Variants in HOOK3 observed in about 807,000 individuals in gnomAD.
The protein encoded by HOOK3 is hook microtubule tethering protein 3.
A neutral mutation model predicts 116.3 loss-of-function variants in HOOK3; 24 were observed. That is an observed-to-expected ratio of 0.21 (90% CI 0.15 to 0.29). HOOK3 has a LOEUF of 0.29. Ranked by LOEUF, HOOK3 falls within the 10% of genes least tolerant of loss-of-function variation. HOOK3 has a pLI of 1.00. For synonymous variants in HOOK3, 275 were observed against 283.0 expected (o/e 0.97, Z 0.28); for missense variants, 632 against 830.2 (o/e 0.76, Z 2.93).
chr8:43,006,040 A>C (rs1184085256), intron 17 of HOOK3, among the ~76,000 whole-genome samples: 1 of 149,684 alleles, frequency 6.7e-6, no homozygotes, highest in Non-Finnish European at 1.5e-5. Flanking sequence ...ATTTATTTTG[A>C]GATGGAGTCT....
chr8:42,953,128 A>G (rs1326810719), intron 6 of HOOK3, among the ~76,000 whole-genome samples: 1 of 152,042 alleles, frequency 6.6e-6, no homozygotes, highest in Non-Finnish European at 1.5e-5. Flanking sequence ...TATTCTAGAT[A>G]GTCATGGACC....
In HOOK3 at chr8:42,968,220, A is replaced by G; in HGVS notation, c.1122+6A>G. On this transcript the variant is annotated splice_donor_region_variant and intron_variant, in intron 11 of 21. Transcript: ENST00000307602. ...TTGAAACCTACAAGAGACAGGTAAA[A>G]GAAACACAGCATCTTGATGATGGTT... 7.5e-6 allele frequency: 12 copies of G among 1,603,774 alleles called. No homozygotes were observed. The highest frequency in any genetic ancestry group is 9.4e-6 in the Non-Finnish European group (11 of 1,173,184).
Position 43,018,984 on chromosome 8 carries a change from C to T in HOOK3, c.*486C>T. ...TCAAATAACTTGCATATTTACTATA[C>T]AAAATGGTTGACAAGTGTTCTTTTT... On this transcript the variant is annotated 3_prime_UTR_variant, in exon 22 of 22. Transcript: ENST00000307602. 1 of 210,488 alleles carries T rather than the reference C, an allele frequency of 4.8e-6. No individual in the cohort carries two copies. Among genetic ancestry groups the T allele is most frequent in the Admixed American group, 5.9e-5 (1 of 16,998 alleles). 13.0% of individuals were successfully genotyped at this position (210,488 alleles called of 1,614,324 possible).
intron 1 of HOOK3, among the ~76,000 whole-genome samples, chr8:42,904,482 T>G (rs1468615496): frequency 6.6e-6 from 1 of 152,010 alleles, no homozygotes; most frequent in Non-Finnish European, 1.5e-5. Context: ...GTTAATTTTT[T>G]GTATTTTTAG....
At position 42,930,151 on chromosome 8, in the gene HOOK3, A is replaced by G; in HGVS notation, c.246A>G (p.Gly82=). 1 of 1,552,886 alleles carries G rather than the reference A, an allele frequency of 6.4e-7. No homozygotes were observed. Among genetic ancestry groups the G allele is most frequent in the Non-Finnish European group, 8.7e-7 (1 of 1,147,248 alleles). The change falls in exon 4 of 22, where the codon GGA becomes GGG. Residue 82 remains glycine (G), a synonymous_variant. Transcript: ENST00000307602. ...GCAATTTAAAGAAAATTTTAAAAGG[A>G]ATCTTGGATTATAATCATGAGGTAA... ...KISNLKKILK[G]ILDYNHEILG...
chr8:42,941,517 CAA>C (rs960451235), intron 4 of HOOK3, among the ~76,000 whole-genome samples: 1 of 44,060 alleles, frequency 2.3e-5, no homozygotes, highest in Non-Finnish European at 4.6e-5. Context: ...GACTCCGTCT[CAA>C]AAAAAAAAAA....
At chr8:42,946,052 A>G (rs1045845885) in intron 5 of HOOK3, among the ~76,000 whole-genome samples, 9 of 152,180 alleles carry the variant, frequency 5.9e-5, no homozygotes, top group Admixed American at 2.6e-4. Context: ...TTATCATGCA[A>G]TAAAGCAGAT....
Position 43,028,954 on chromosome 8 carries a change from G to A in HOOK3, c.*10456G>A, listed in dbSNP as rs1312714472. 1 of 201,150 alleles carries A rather than the reference G, an allele frequency of 5.0e-6. No homozygotes were observed. The highest frequency in any genetic ancestry group is 7.6e-5 in the East Asian group (1 of 13,140). The allele number at this position is 201,150 out of a possible 1,614,324, so 12.5% of individuals were successfully genotyped here. Reference sequence around the variant, plus strand: ...TTGTAGTTCAAGTACAGATGAGTAAGTGGTGTGACTTCAGTTTATTATCTT... The same window carrying A: ...TTGTAGTTCAAGTACAGATGAGTAAATGGTGTGACTTCAGTTTATTATCTT... On this transcript the variant is annotated 3_prime_UTR_variant, in exon 22 of 22. Coordinates refer to ENST00000307602, the MANE Select transcript of HOOK3 (RefSeq NM_032410.4).
At chr8:42,923,611 A>G (rs1807705537) in intron 2 of HOOK3, among the ~76,000 whole-genome samples, 1 of 152,222 alleles carries the variant, frequency 6.6e-6, no homozygotes, top group African/African-American at 2.4e-5. Context: ...TCCAGGATAG[A>G]CAAATTCATA....
In HOOK3 at chr8:43,026,266, A is replaced by G. The variant is rs1221674933; in HGVS notation, c.*7768A>G. ...TGTATTTTATTTAGTGTCTTAATAT[A>G]TAGTCTTTATATAGTATCTTAATAT... is the stretch of plus-strand genomic sequence containing the variant. On this transcript the variant is annotated 3_prime_UTR_variant, in exon 22 of 22. Coordinates refer to ENST00000307602, the MANE Select transcript of HOOK3 (RefSeq NM_032410.4). 1.0e-5 allele frequency: 2 copies of G among 196,186 alleles called. No homozygotes were observed. The highest frequency in any genetic ancestry group is 4.6e-5 in the African/African-American group (2 of 43,252). The allele number at this position is 196,186 out of a possible 1,614,324, so 12.2% of individuals were successfully genotyped here. A position where few individuals can be genotyped will look rare whatever the true frequency, so the allele number is the denominator to read the frequency against.
At chr8:42,955,522 A>G (rs1166899642) in intron 6 of HOOK3, among the ~76,000 whole-genome samples, 1 of 152,200 alleles carries the variant, frequency 6.6e-6, no homozygotes. Flanking sequence ...AAATCTAGAG[A>G]AAATAATTGA....
At chr8:42,973,958 C>A in intron 12 of HOOK3, 149 bp from the exon 13 acceptor site, 1 of 653,886 alleles carries the variant, frequency 1.5e-6, no homozygotes, top group Non-Finnish European at 2.8e-6. Flanking sequence ...TAATCTTTTC[C>A]TCCTTCTATG....
At chr8:42,967,629 G>A (rs1467011553) in intron 10 of HOOK3, among the ~76,000 whole-genome samples, 1 of 151,926 alleles carries the variant, frequency 6.6e-6, no homozygotes, top group Non-Finnish European at 1.5e-5. Context: ...CTTCCCACTA[G>A]AACCAAACTT....
chr8:42,983,789 T>C (rs993509537), intron 14 of HOOK3, among the ~76,000 whole-genome samples: 3 of 152,204 alleles, frequency 2.0e-5, no homozygotes, highest in Admixed American at 6.5e-5. Context: ...TTCATTTATT[T>C]TTATGCATAA....
At chr8:42,912,759 A>G (rs1347789519) in intron 2 of HOOK3, among the ~76,000 whole-genome samples, 2 of 152,200 alleles carry the variant, frequency 1.3e-5, no homozygotes, top group Admixed American at 1.3e-4. Context: ...TGGCACATCA[A>G]TACTGCTCAA....
intron 6 of HOOK3, among the ~76,000 whole-genome samples, chr8:42,953,936 T>C (rs1366834278): frequency 6.6e-6 from 1 of 152,182 alleles, no homozygotes; most frequent in Non-Finnish European, 1.5e-5. Flanking sequence ...CTACAACCAT[T>C]GTGCCGTATC....
intron 8 of HOOK3, 152 bp downstream of exon 8, chr8:42,959,466 C>A (rs567463478): frequency 1.1e-5 from 6 of 540,802 alleles, no homozygotes; most frequent in Non-Finnish European, 2.0e-5. Context: ...CACCTGTAAT[C>A]CCAGCACTTC....
rs1004014497 is a variant in HOOK3, at chr8:42,923,902, A to G, written c.144-1655A>G. Among the ~76,000 whole-genome samples the G allele has an allele frequency of 2.0e-5, 3 of 152,360 alleles. No individual in the cohort carries two copies. In the East Asian group the frequency reaches 5.8e-4, roughly 29 times the overall value. ...GATACAGGCTTCAAAAATAATCATA[A>G]CAGATTTGTATAGAGGTAACTTAGT... On this transcript the variant is annotated intron_variant, in intron 2 of 21. Coordinates refer to ENST00000307602, the MANE Select transcript of HOOK3 (RefSeq NM_032410.4).
At chr8:42,898,938 T>G (rs708189) in intron 1 of HOOK3, among the ~76,000 whole-genome samples, 150,720 of 152,330 alleles carry the variant, frequency 0.99, 74,576 homozygotes, top group East Asian at 1. Context: ...TTATAATAAA[T>G]TGTTGAATAT....
Sources: gnomAD v4.1 joint callset for allele counts (sites outside exome capture counted in the v4.1 genomes callset) on GRCh38, gnomAD v4.1.1 for gene constraint, MANE v1.5 for transcripts, NCBI Gene and HGNC (gene_info 2026-07-23, HGNC 2026-07-21) for gene names.